SHISA9: variants seen among roughly 807,000 people sequenced by gnomAD.
The protein encoded by SHISA9 is shisa family member 9, also known as protein shisa-9.
SHISA9 carries 13 observed loss-of-function variants against 38.0 expected under a neutral mutation model. The observed-to-expected ratio is 0.34, with a 90% CI of 0.22 to 0.54. SHISA9 has a LOEUF of 0.54. Among genes scored for constraint, SHISA9 ranks in the 20% least tolerant of loss-of-function variants. The pLI, the probability that SHISA9 is intolerant of heterozygous loss-of-function variation, is 0.91. For synonymous variants in SHISA9, 275 were observed against 242.0 expected (o/e 1.14, Z -1.27); for missense variants, 538 against 575.8 (o/e 0.93, Z 0.67).
In SHISA9 at chr16:13,210,032, C is replaced by T. The variant is rs572830653; in HGVS notation, c.848-3221C>T. On this transcript the variant is annotated intron_variant, in intron 3 of 4. Transcript: ENST00000558583. ...AGGAGAATGGCGTGAACCCGGGAGGCGGAGCTCGCAGTGAGCCAAGATCAC... is the reference window on the plus strand; with the variant it reads ...AGGAGAATGGCGTGAACCCGGGAGGTGGAGCTCGCAGTGAGCCAAGATCAC... Among the ~76,000 whole-genome samples the T allele has an allele frequency of 1.4e-4, 22 of 152,166 alleles. No individual in the cohort carries two copies. In the South Asian group the frequency reaches 4.4e-3, roughly 30 times the overall value.
the SHISA9 span, among the ~76,000 whole-genome samples, chr16:13,287,908 G>A: frequency 6.6e-6 from 1 of 152,094 alleles, no homozygotes; most frequent in Admixed American, 6.6e-5. Context: ...TAAGGGAGAA[G>A]GATGCATTCT....
intron 2 of SHISA9, among the ~76,000 whole-genome samples, chr16:13,071,844 C>G (rs1021390608): frequency 1.3e-5 from 2 of 151,782 alleles, no homozygotes; most frequent in Non-Finnish European, 2.9e-5. Flanking sequence ...AAGGGTTTCA[C>G]TATGTTGCCC....
the SHISA9 span, among the ~76,000 whole-genome samples, chr16:13,411,174 G>A: frequency 6.6e-6 from 1 of 152,192 alleles, no homozygotes; most frequent in East Asian, 1.9e-4. Context: ...TAAGGACAAC[G>A]ATGTTTCCTT....
At chr16:13,559,142 C>T in the SHISA9 span, among the ~76,000 whole-genome samples, 2 of 151,896 alleles carry the variant, frequency 1.3e-5, no homozygotes, top group Non-Finnish European at 2.9e-5. Context: ...ATATTGGTGA[C>T]ATAAATAAGC....
At chr16:12,917,217 C>T (rs2071270133) in intron 2 of SHISA9, among the ~76,000 whole-genome samples, 1 of 152,172 alleles carries the variant, frequency 6.6e-6, no homozygotes, top group South Asian at 2.1e-4. Flanking sequence ...TATACGTCTG[C>T]CTCCTGAGGT....
the SHISA9 span, among the ~76,000 whole-genome samples, chr16:13,360,269 C>G: frequency 1.3e-5 from 2 of 152,254 alleles, no homozygotes; most frequent in Non-Finnish European, 2.9e-5. Flanking sequence ...CTGATGCTCA[C>G]TGACGGTGTC....
chr16:13,116,765 C>T (rs2074034529), intron 2 of SHISA9, among the ~76,000 whole-genome samples: 1 of 152,174 alleles, frequency 6.6e-6, no homozygotes, highest in Admixed American at 6.5e-5. Flanking sequence ...TTGAGGATTA[C>T]TGAACAAAGG....
chr16:13,210,281 T>G (rs1358293906), intron 3 of SHISA9, among the ~76,000 whole-genome samples: 1 of 152,180 alleles, frequency 6.6e-6, no homozygotes, highest in Non-Finnish European at 1.5e-5. Flanking sequence ...GTTTTTCCTC[T>G]AGGTTTCTGA....
chr16:13,183,664 A>ATAAC (rs1407806244), intron 2 of SHISA9, among the ~76,000 whole-genome samples: 1 of 152,248 alleles, frequency 6.6e-6, no homozygotes, highest in Non-Finnish European at 1.5e-5. Context: ...CCTTTTGTGA[A>ATAAC]TAACTCTATT....
chr16:13,353,917 A>G, the SHISA9 span, among the ~76,000 whole-genome samples: 2 of 152,268 alleles, frequency 1.3e-5, no homozygotes, highest in Middle Eastern at 3.4e-3. Flanking sequence ...ATGAGACTGT[A>G]TTGAGATGGG....
intron 3 of SHISA9, chr16:13,204,679 T>G (rs2051046018): frequency 6.6e-6 from 1 of 152,252 alleles, no homozygotes; most frequent in Admixed American, 6.5e-5. Flanking sequence ...CTAATGGAGT[T>G]CTTACCAAGT....
chr16:12,963,010 C>T (rs928560321), intron 2 of SHISA9, among the ~76,000 whole-genome samples: 2 of 152,188 alleles, frequency 1.3e-5, no homozygotes, highest in Non-Finnish European at 2.9e-5. Flanking sequence ...GATCCTACTG[C>T]CAAGCCCAGT....
At chr16:13,428,955 C>T in the SHISA9 span, among the ~76,000 whole-genome samples, 3 of 151,774 alleles carry the variant, frequency 2.0e-5, no homozygotes, top group Non-Finnish European at 4.4e-5. Context: ...TTAGTAGAGA[C>T]CGGGTTTTGC....
At chr16:13,303,831 TAGA>T in the SHISA9 span, among the ~76,000 whole-genome samples, 7 of 152,310 alleles carry the variant, frequency 4.6e-5, no homozygotes, top group African/African-American at 1.7e-4. Flanking sequence ...GTAGTGCAGG[TAGA>T]ACCCCAAACA....
chr16:13,170,288 C>T (rs976476392), intron 2 of SHISA9, among the ~76,000 whole-genome samples: 2 of 152,006 alleles, frequency 1.3e-5, no homozygotes, highest in African/African-American at 2.4e-5. Context: ...TCTACTGAGC[C>T]ACTCTGCATG....
At chr16:13,555,027 G>A in the SHISA9 span, among the ~76,000 whole-genome samples, 1 of 152,178 alleles carries the variant, frequency 6.6e-6, no homozygotes, top group East Asian at 1.9e-4. Flanking sequence ...AAGGCAACTT[G>A]AACTGGACTT....
chr16:13,095,638 T>C (rs1344006356), intron 2 of SHISA9, among the ~76,000 whole-genome samples: 13 of 152,208 alleles, frequency 8.5e-5, no homozygotes, highest in Non-Finnish European at 1.6e-4. Flanking sequence ...GGTTTCCAAG[T>C]ATGGGAGGAT....
chr16:13,418,088 G>C, the SHISA9 span, among the ~76,000 whole-genome samples: 3 of 152,044 alleles, frequency 2.0e-5, no homozygotes, highest in Non-Finnish European at 2.9e-5. Flanking sequence ...TGTTTTGGAG[G>C]GGAGGCCTAG....
intron 2 of SHISA9, among the ~76,000 whole-genome samples, chr16:13,050,491 C>A (rs2073238884): frequency 6.6e-6 from 1 of 152,080 alleles, no homozygotes; most frequent in Non-Finnish European, 1.5e-5. Flanking sequence ...ACCACCACAC[C>A]TGGCTAATTT....
Sources: allele counts gnomAD v4.1 joint callset (sites outside exome capture counted in the v4.1 genomes callset), GRCh38; gene constraint gnomAD v4.1.1; transcripts MANE v1.5; gene names NCBI Gene and HGNC (gene_info 2026-07-23, HGNC 2026-07-21).